Variants in RBFOX1 observed in about 807,000 individuals in gnomAD.
RBFOX1 encodes RNA binding fox-1 homolog 1, also known as RNA binding protein fox-1 homolog 1.
RBFOX1 carries 8 observed loss-of-function variants against 57.7 expected under a neutral mutation model. The ratio of observed to expected loss-of-function variants is 0.14; its 90% CI spans 0.08 to 0.25. The LOEUF (loss-of-function observed/expected upper bound fraction) is 0.25, where lower values mean the gene tolerates loss of function less well. RBFOX1 is among the 10% of genes least tolerant of loss of function. The probability of loss-of-function intolerance (pLI) is 1.00; values close to 1 mark genes in which losing one functional copy is unlikely to be tolerated. For missense variants in RBFOX1, 611 were observed against 548.5 expected (o/e 1.11, Z -1.14); for synonymous variants, 326 against 222.4 (o/e 1.47, Z -4.15).
intron 1 of RBFOX1, among the ~76,000 whole-genome samples, chr16:6,115,311 A>G (rs1463551778): frequency 6.6e-6 from 1 of 152,222 alleles, no homozygotes; most frequent in Non-Finnish European, 1.5e-5. Flanking sequence ...GCCCCTTAGA[A>G]TGTAACAAGT....
intron 4 of RBFOX1, among the ~76,000 whole-genome samples, chr16:6,004,278 T>C (rs2060654508): frequency 6.6e-6 from 1 of 152,316 alleles, no homozygotes; most frequent in East Asian, 1.9e-4. Flanking sequence ...CTCTGCTGCT[T>C]ATTACCTGGG....
intron 4 of RBFOX1, among the ~76,000 whole-genome samples, chr16:7,266,245 G>T (rs1023767258): frequency 3.9e-5 from 6 of 152,040 alleles, no homozygotes; most frequent in African/African-American, 1.4e-4. Flanking sequence ...AAAGTGCTGG[G>T]ATTACAGGTG....
intron 2 of RBFOX1, among the ~76,000 whole-genome samples, chr16:6,342,680 A>C (rs1567975864): frequency 6.6e-6 from 1 of 152,026 alleles, no homozygotes; most frequent in Admixed American, 6.5e-5. Context: ...TCCAAATATA[A>C]CCTTTATTCC....
chr16:6,543,108 G>A (rs907389863), intron 2 of RBFOX1, among the ~76,000 whole-genome samples: 6 of 152,160 alleles, frequency 3.9e-5, no homozygotes, highest in Non-Finnish European at 7.3e-5. Context: ...TAAGCTCCGT[G>A]TTTAGCAGAT....
At chr16:7,235,803 T>G (rs1310657059) in intron 4 of RBFOX1, among the ~76,000 whole-genome samples, 1 of 152,210 alleles carries the variant, frequency 6.6e-6, no homozygotes, top group Non-Finnish European at 1.5e-5. Context: ...TAGCCTGAAC[T>G]AAAAAATAAT....
At chr16:6,693,718 A>G (rs1377514551) in intron 3 of RBFOX1, among the ~76,000 whole-genome samples, 4 of 151,664 alleles carry the variant, frequency 2.6e-5, no homozygotes, top group East Asian at 3.9e-4. Flanking sequence ...CTCCACTACC[A>G]TCACCACCAT....
chr16:7,686,805 C>T (rs1355745364), intron 14 of RBFOX1, among the ~76,000 whole-genome samples: 2 of 152,008 alleles, frequency 1.3e-5, no homozygotes, highest in African/African-American at 4.8e-5. Context: ...TGAGCCTAGA[C>T]AAGAAGTGCA....
intron 2 of RBFOX1, among the ~76,000 whole-genome samples, chr16:6,563,470 C>T (rs909331639): frequency 6.6e-6 from 1 of 152,120 alleles, no homozygotes; most frequent in African/African-American, 2.4e-5. Context: ...AAATTTGGTG[C>T]ATCCCTAGAG....
intron 4 of RBFOX1, among the ~76,000 whole-genome samples, chr16:7,386,759 G>C (rs1270757982): frequency 2.0e-5 from 3 of 152,026 alleles, no homozygotes; most frequent in Non-Finnish European, 4.4e-5. Context: ...GGGATTGCTG[G>C]GTCTAATGGT....
At chr16:7,105,398 G>A (rs1320617470) in intron 4 of RBFOX1, among the ~76,000 whole-genome samples, 1 of 151,686 alleles carries the variant, frequency 6.6e-6, no homozygotes, top group African/African-American at 2.4e-5. Context: ...TTCTTCAGTG[G>A]TGATTTGTGA....
chr16:6,517,748 T>C (rs2096409570), intron 2 of RBFOX1, among the ~76,000 whole-genome samples: 1 of 152,214 alleles, frequency 6.6e-6, no homozygotes, highest in Admixed American at 6.5e-5. Context: ...CTGCACTTTC[T>C]GCCACATCCC....
chr16:5,618,891 G>A (rs985255248), intron 3 of RBFOX1, among the ~76,000 whole-genome samples: 7 of 152,166 alleles, frequency 4.6e-5, no homozygotes, highest in East Asian at 1.9e-4. Flanking sequence ...TCCTGTTGCT[G>A]CTGGGCAGGA....
intron 2 of RBFOX1, among the ~76,000 whole-genome samples, chr16:6,544,231 T>G (rs977941784): frequency 6.6e-6 from 1 of 152,084 alleles, no homozygotes. Context: ...CCACACTTGG[T>G]GGGGAAAGAG....
intron 3 of RBFOX1, among the ~76,000 whole-genome samples, chr16:5,751,298 C>G (rs1383855199): frequency 6.6e-6 from 1 of 152,148 alleles, no homozygotes; most frequent in African/African-American, 2.4e-5. Flanking sequence ...TTATGCATTT[C>G]ACTCATGAGT....
At chr16:6,021,666 G>A (rs146234081) in intron 1 of RBFOX1, among the ~76,000 whole-genome samples, 297 of 152,284 alleles carry the variant, frequency 2.0e-3, no homozygotes, top group African/African-American at 6.8e-3. Flanking sequence ...TCGCGGTAGT[G>A]GAAGTGACAC....
At chr16:6,806,639 C>G (rs74007082) in intron 3 of RBFOX1, among the ~76,000 whole-genome samples, 10 of 151,380 alleles carry the variant, frequency 6.6e-5, no homozygotes, top group African/African-American at 2.4e-4. Flanking sequence ...TTTACCTACA[C>G]GCGGTAACAG....
At chr16:5,632,843 A>C (rs2048559599) in intron 3 of RBFOX1, among the ~76,000 whole-genome samples, 1 of 152,086 alleles carries the variant, frequency 6.6e-6, no homozygotes, top group South Asian at 2.1e-4. Flanking sequence ...ACTGCAGCAC[A>C]CAGAATTTCC....
chr16:7,276,045 G>C (rs1040047605), intron 4 of RBFOX1, among the ~76,000 whole-genome samples: 1 of 152,176 alleles, frequency 6.6e-6, no homozygotes, highest in African/African-American at 2.4e-5. Context: ...GATCATTTCT[G>C]ATTGAAAAGG....
intron 4 of RBFOX1, among the ~76,000 whole-genome samples, chr16:7,466,751 G>C (rs1394687696): frequency 6.6e-6 from 1 of 152,154 alleles, no homozygotes; most frequent in Non-Finnish European, 1.5e-5. Flanking sequence ...ATCATTCCTA[G>C]GTGTGTGCAA....
Sources: allele counts gnomAD v4.1 joint callset (sites outside exome capture counted in the v4.1 genomes callset), GRCh38; gene constraint gnomAD v4.1.1; transcripts MANE v1.5; gene names NCBI Gene and HGNC (gene_info 2026-07-23, HGNC 2026-07-21).